The following PCDH15 variants were observed in gnomAD, a reference collection of about 807,000 sequenced individuals.
PCDH15 encodes the protein protocadherin-15.
In PCDH15, 129 loss-of-function variants were observed where a neutral mutation model predicts 178.5. The ratio of observed to expected loss-of-function variants is 0.72; its 90% CI spans 0.63 to 0.84. The LOEUF (loss-of-function observed/expected upper bound fraction) is 0.84. PCDH15 is among the 40% of genes least tolerant of loss of function. PCDH15 has a pLI of 0.00. For missense variants in PCDH15, 2,230 were observed against 2,099.9 expected, an observed-to-expected ratio of 1.06 and a Z score of -1.21; for synonymous variants, 800 against 732.0, an observed-to-expected ratio of 1.09 and a Z score of -1.50.
At chr10:54,237,135 T>G (rs909198955) in intron 8 of PCDH15, among the ~76,000 whole-genome samples, 1 of 152,126 alleles carries the variant, frequency 6.6e-6, no homozygotes, top group Non-Finnish European at 1.5e-5. Context: ...TGGTAAGACA[T>G]AGTGATTATG....
chr10:55,301,074 A>G (rs1392059950), intron 1 of PCDH15, among the ~76,000 whole-genome samples: 1 of 152,186 alleles, frequency 6.6e-6, no homozygotes, highest in Non-Finnish European at 1.5e-5. Flanking sequence ...ACATTTGTGA[A>G]CAGGCTTTTG....
chr10:54,683,302 C>A (rs1280796780), intron 1 of PCDH15, among the ~76,000 whole-genome samples: 1 of 151,944 alleles, frequency 6.6e-6, no homozygotes, highest in African/African-American at 2.4e-5. Flanking sequence ...AACTTTTCAT[C>A]GTTACAAACT....
intron 18 of PCDH15, among the ~76,000 whole-genome samples, chr10:54,057,627 C>T (rs2093924043): frequency 6.6e-6 from 1 of 152,146 alleles, no homozygotes; most frequent in African/African-American, 2.4e-5. Flanking sequence ...ATTGGAGGGC[C>T]TGCCATGAAT....
At chr10:55,160,533 C>T (rs185284817) in intron 2 of PCDH15, among the ~76,000 whole-genome samples, 9 of 152,126 alleles carry the variant, frequency 5.9e-5, no homozygotes, top group Non-Finnish European at 1.0e-4. Context: ...CATCATCAGG[C>T]ATTTTAAATA....
At chr10:55,230,900 CA>C (rs1841197112) in intron 1 of PCDH15, among the ~76,000 whole-genome samples, 1 of 152,082 alleles carries the variant, frequency 6.6e-6, no homozygotes, top group Non-Finnish European at 1.5e-5. Flanking sequence ...AATGGTCATA[CA>C]TTGAAAGGCC....
intron 3 of PCDH15, among the ~76,000 whole-genome samples, chr10:54,840,932 T>C (rs1318500353): frequency 6.6e-6 from 1 of 151,600 alleles, no homozygotes; most frequent in Non-Finnish European, 1.5e-5. Flanking sequence ...ATAAAGGAAA[T>C]GTTAACAGAA....
chr10:55,460,952 C>A (rs1348494191), intron 2 of PCDH15, among the ~76,000 whole-genome samples: 2 of 152,142 alleles, frequency 1.3e-5, no homozygotes, highest in Non-Finnish European at 2.9e-5. Flanking sequence ...TAAGTCCCCA[C>A]TGCTGAAGCA....
intron 33 of PCDH15, among the ~76,000 whole-genome samples, chr10:53,818,949 T>C (rs1160208567): frequency 6.6e-6 from 1 of 152,064 alleles, no homozygotes; most frequent in Non-Finnish European, 1.5e-5. Context: ...GCATCTTGTA[T>C]GGTTTATGCA....
intron 1 of PCDH15, among the ~76,000 whole-genome samples, chr10:54,786,414 C>T (rs1468405683): frequency 1.3e-5 from 2 of 151,908 alleles, no homozygotes; most frequent in Non-Finnish European, 2.9e-5. Context: ...CAGATAAAAA[C>T]ATAGACACAA....
At chr10:54,318,303 C>CTTGGG (rs894474870) in intron 7 of PCDH15, among the ~76,000 whole-genome samples, 2 of 152,210 alleles carry the variant, frequency 1.3e-5, no homozygotes, top group Admixed American at 6.5e-5. Flanking sequence ...TTGGGAATGC[C>CTTGGG]AATTAGTAAA....
At chr10:54,216,111 T>C (rs945854569) in intron 9 of PCDH15, among the ~76,000 whole-genome samples, 3 of 142,244 alleles carry the variant, frequency 2.1e-5, no homozygotes, top group African/African-American at 5.3e-5. Context: ...CCCGAATATA[T>C]ATATATAGGT....
intron 2 of PCDH15, among the ~76,000 whole-genome samples, chr10:55,618,033 A>G (rs2132167183): frequency 6.6e-6 from 1 of 152,076 alleles, no homozygotes; most frequent in East Asian, 1.9e-4. Flanking sequence ...AGAAAGAAAT[A>G]CAATTATTTC....
chr10:54,475,120 A>G (rs2136776206), intron 3 of PCDH15, among the ~76,000 whole-genome samples: 1 of 152,010 alleles, frequency 6.6e-6, no homozygotes, highest in African/African-American at 2.4e-5. Context: ...TTTTCCAAGT[A>G]TTTTATATAA....
intron 3 of PCDH15, among the ~76,000 whole-genome samples, chr10:54,888,789 C>CTTTTTTTTT (rs59914980): frequency 9.1e-6 from 1 of 110,168 alleles, no homozygotes; most frequent in Non-Finnish European, 1.9e-5. Flanking sequence ...TTCATTTTTT[C>CTTTTTTTTT]TTTTTTTTTT....
chr10:54,516,222 G>A lies in PCDH15; in HGVS notation c.157+11590C>T, dbSNP rs140657835. 3.9e-3 allele frequency among the ~76,000 whole-genome samples: 597 copies of A among 152,214 alleles called. 8 individuals carry two copies. The highest frequency in any genetic ancestry group is 0.023 in the South Asian group (110 of 4,822). The stretch of plus-strand genomic sequence containing the variant: ...TGAGCTGACGGAGAATGACTTTGAC[G>A]AGTTGAGAGAAGAAGGCTTCAGATG... On this transcript the variant is annotated intron_variant, in intron 3 of 37. Coordinates refer to ENST00000644397, the MANE Select transcript of PCDH15 (RefSeq NM_001384140.1).
rs1443338089 is a variant in PCDH15 at position 53,856,176 on chromosome 10, T to C, written c.3806+999A>G. Among the ~76,000 whole-genome samples, 3 of 151,424 alleles carry C rather than the reference T, an allele frequency of 2.0e-5. No homozygotes were observed. The East Asian group carries it at 6.0e-4, about 30-fold the overall frequency. On this transcript the variant is annotated intron_variant, in intron 28 of 37. Coordinates refer to ENST00000644397, the MANE Select transcript of PCDH15 (RefSeq NM_001384140.1). ...TAAAGACTGTACGTTGGGTACAGTGTACACTGCTTGTGTGCACCAAAATCT... is the reference window on the plus strand; with the variant it reads ...TAAAGACTGTACGTTGGGTACAGTGCACACTGCTTGTGTGCACCAAAATCT...
chr10:54,009,744 G>A (rs1333072475), intron 20 of PCDH15, among the ~76,000 whole-genome samples: 2 of 152,148 alleles, frequency 1.3e-5, no homozygotes, highest in African/African-American at 4.8e-5. Flanking sequence ...GTGAGTAAGT[G>A]AGTCCCTGGG....
intron 9 of PCDH15, among the ~76,000 whole-genome samples, chr10:54,220,648 A>G (rs1037110477): frequency 6.6e-6 from 1 of 151,952 alleles, no homozygotes; most frequent in Non-Finnish European, 1.5e-5. Flanking sequence ...ACACGGTGAA[A>G]CCCCGTCTCT....
chr10:53,995,852 C>T (rs2091815123), intron 20 of PCDH15, 87 bp from the exon 21 acceptor site: 2 of 1,179,402 alleles, frequency 1.7e-6, no homozygotes, highest in African/African-American at 1.5e-5. Flanking sequence ...CTTCATATCA[C>T]ACAACTTATT....
Sources: gnomAD v4.1 joint callset for allele counts (sites outside exome capture counted in the v4.1 genomes callset) on GRCh38, gnomAD v4.1.1 for gene constraint, MANE v1.5 for transcripts, NCBI Gene and HGNC (gene_info 2026-07-23, HGNC 2026-07-21) for gene names.